The following PWWP2A variants were observed in gnomAD, a reference collection of about 807,000 sequenced individuals.
PWWP2A encodes PWWP domain-containing protein 2A.
In PWWP2A, 18 loss-of-function variants were observed where a neutral mutation model predicts 48.5. That is an observed-to-expected ratio of 0.37 (90% CI 0.26 to 0.55). The LOEUF (loss-of-function observed/expected upper bound fraction) is 0.55, where lower values mean the gene tolerates loss of function less well. Ranked by LOEUF, PWWP2A falls within the 20% of genes least tolerant of loss-of-function variation. The pLI is 0.81. For synonymous variants in PWWP2A, 396 were observed against 387.7 expected (o/e 1.02, Z -0.25); for missense variants, 867 against 976.4 (o/e 0.89, Z 1.49).
Position 160,078,177 on chromosome 5 carries a change from T to G in PWWP2A, c.1670-9A>C. On this transcript the variant is annotated splice_polypyrimidine_tract_variant and intron_variant, in intron 3 of 3. Transcript: ENST00000456329. The surrounding 1 kb of genome is among the most constrained non-coding windows in gnomAD (Gnocchi z 4.2). Reference sequence around the variant, plus strand: ...CTGCTAATGTCTTTGTGCTGAAATATAGTAAAGAAAAGGAAGAAAATGTCG... The same window carrying G: ...CTGCTAATGTCTTTGTGCTGAAATAGAGTAAAGAAAAGGAAGAAAATGTCG... 1 of 1,552,226 alleles carries G rather than the reference T, an allele frequency of 6.4e-7. No homozygotes were observed. Among genetic ancestry groups the G allele is most frequent in the African/African-American group, 1.4e-5 (1 of 73,368 alleles).
In PWWP2A at chr5:160,093,065, C is replaced by G; in HGVS notation, c.1585G>C (p.Gly529Arg). The G allele has an allele frequency of 6.2e-7, 1 of 1,612,872 alleles. No homozygotes were observed. The highest frequency in any genetic ancestry group is 8.5e-7 in the Non-Finnish European group (1 of 1,179,496). ...ACCTCACTGCTGGCCTCTTCAGGGC[C>G]TTTTGAGGGACTCTGATTTTCTGAA... is the stretch of plus-strand genomic sequence containing the variant. Reference protein sequence around the residue: ...APSENQSPSKGPEEASSEVQD... With the variant: ...APSENQSPSKRPEEASSEVQD... Residue 529 changes from glycine (G) to arginine (R), a missense_variant, in exon 2 of 2, where the codon GGC (glycine) becomes CGC (arginine). Gly to Arg is a moderately radical substitution (Grantham distance 125). This residue lies in a region of PWWP2A where 382 missense variants were observed against 407.2 expected (regional missense o/e 0.94). Coordinates refer to ENST00000307063, the MANE Select transcript of PWWP2A (RefSeq NM_001130864.2). The surrounding 1 kb of genome is among the most constrained non-coding windows in gnomAD (Gnocchi z 5.8).
chr5:160,117,611 G>A (rs1325171381), intron 1 of PWWP2A, among the ~76,000 whole-genome samples: 2 of 151,952 alleles, frequency 1.3e-5, no homozygotes, highest in Admixed American at 6.6e-5. Flanking sequence ...GAGACGATAT[G>A]GCGCCACTGC....
the PWWP2A span, chr5:160,051,118 C>G: frequency 6.5e-7 from 1 of 1,539,732 alleles, no homozygotes; most frequent in Non-Finnish European, 8.8e-7. Flanking sequence ...TGTTTCTCCT[C>G]TTTTCCTCAG....
In PWWP2A at chr5:160,079,464, T is replaced by G. The variant is rs143155232; in HGVS notation, c.1669+1187A>C. 3.1e-3 allele frequency among the ~76,000 whole-genome samples: 479 copies of G among 152,290 alleles called. 3 individuals carry two copies. The highest frequency in any genetic ancestry group is 0.011 in the African/African-American group (446 of 41,536). ...AAAAAAAAAAATGATTTACACTGTTTTAAAATTTGACATTGAGCTCAGTTT... is the reference window on the plus strand; with the variant it reads ...AAAAAAAAAAATGATTTACACTGTTGTAAAATTTGACATTGAGCTCAGTTT... On this transcript the variant is annotated intron_variant, in intron 3 of 3. Coordinates refer to the PWWP2A transcript ENST00000456329.
chr5:160,100,399 A>T (rs1407459888), intron 1 of PWWP2A, among the ~76,000 whole-genome samples: 2 of 152,134 alleles, frequency 1.3e-5, no homozygotes, highest in African/African-American at 4.8e-5. Context: ...TTGAGGTGGG[A>T]GGATTGCTTG....
chr5:160,072,371 A>G (rs1753757924), downstream of PWWP2A, among the ~76,000 whole-genome samples: 3 of 152,344 alleles, frequency 2.0e-5, no homozygotes, highest in South Asian at 4.1e-4. Context: ...GCTACCAGCC[A>G]GTTCAAGAGG....
intron 1 of PWWP2A, among the ~76,000 whole-genome samples, chr5:160,102,061 G>A (rs184789267): frequency 9.5e-5 from 14 of 147,644 alleles, no homozygotes; most frequent in African/African-American, 3.3e-4. Flanking sequence ...AGTGGGCCAA[G>A]ATCACACCAT....
intron 2 of PWWP2A, among the ~76,000 whole-genome samples, chr5:160,084,782 T>C (rs1275297746): frequency 6.6e-6 from 1 of 152,104 alleles, no homozygotes; most frequent in Non-Finnish European, 1.5e-5. Flanking sequence ...GCAAGTTATA[T>C]ATATATACTC....
chr5:160,101,241 T>G (rs113339559), intron 1 of PWWP2A, among the ~76,000 whole-genome samples: 1,946 of 152,168 alleles, frequency 0.013, 47 homozygotes, highest in African/African-American at 0.045. Flanking sequence ...TCCCAGCTAC[T>G]GGGGAAGCTG....
chr5:160,105,338 G>A (rs1227449650), intron 1 of PWWP2A, among the ~76,000 whole-genome samples: 3 of 150,396 alleles, frequency 2.0e-5, no homozygotes, highest in Non-Finnish European at 2.9e-5. Flanking sequence ...CACAAGGTCA[G>A]GAGATGGAGA....
rs753674983 is a variant in PWWP2A at position 160,118,933 on chromosome 5, C to G, written c.456G>C (p.Thr152=). 6.3e-7 allele frequency: 1 copy of G among 1,599,128 alleles called. No homozygotes were observed. Among genetic ancestry groups the G allele is most frequent in the Non-Finnish European group, 8.5e-7 (1 of 1,174,052 alleles). ...CCGAGCCCGGGATCAGTTGCGACACCGTGGAGTCCCCGCCCGCCGGCGGCA... is the reference window on the plus strand; with the variant it reads ...CCGAGCCCGGGATCAGTTGCGACACGGTGGAGTCCCCGCCCGCCGGCGGCA... The part of the protein sequence containing the change: ...ALVPPAGGDS[T]VSQLIPGSEV... The change falls in exon 1 of 2, where the codon ACG becomes ACC. Residue 152 remains threonine (T), a synonymous_variant. Coordinates refer to ENST00000307063, the MANE Select transcript of PWWP2A (RefSeq NM_001130864.2).
chr5:160,089,065 T>G (rs1033226478), downstream of PWWP2A, among the ~76,000 whole-genome samples: 3 of 152,334 alleles, frequency 2.0e-5, no homozygotes, highest in South Asian at 6.2e-4. Context: ...TCCTGCCTAT[T>G]CAACTTAGTA....
intron 2 of PWWP2A, chr5:160,080,884 A>G (rs1372021299): frequency 2.1e-6 from 2 of 939,518 alleles, no homozygotes; most frequent in Non-Finnish European, 3.1e-6. Flanking sequence ...AATTTTCATA[A>G]CAAATTTATT....
chr5:160,097,838 C>T (rs1002063095), intron 1 of PWWP2A, among the ~76,000 whole-genome samples: 3 of 151,402 alleles, frequency 2.0e-5, no homozygotes, highest in Non-Finnish European at 2.9e-5. Flanking sequence ...GCCTCAGCCA[C>T]CTGAGCAGCT....
intron 1 of PWWP2A, among the ~76,000 whole-genome samples, chr5:160,104,235 T>C (rs926875418): frequency 3.3e-5 from 5 of 151,652 alleles, no homozygotes; most frequent in South Asian, 2.1e-4. Flanking sequence ...GCCAGGAATT[T>C]TGAGATCAGC....
downstream of PWWP2A, among the ~76,000 whole-genome samples, chr5:160,086,397 T>G (rs1342322834): frequency 2.0e-5 from 3 of 151,986 alleles, no homozygotes; most frequent in Non-Finnish European, 4.4e-5. Flanking sequence ...GGTATGTGTC[T>G]GTGGCCCCAA....
intron 1 of PWWP2A, among the ~76,000 whole-genome samples, chr5:160,105,260 A>C (rs977951892): frequency 6.0e-5 from 9 of 150,476 alleles, no homozygotes; most frequent in Middle Eastern, 6.9e-3. Flanking sequence ...AAAAAAAAAA[A>C]AAAACAGGCT....
chr5:160,060,332 AT>A (rs1165798010), downstream of PWWP2A, among the ~76,000 whole-genome samples: 1 of 152,244 alleles, frequency 6.6e-6, no homozygotes, highest in Non-Finnish European at 1.5e-5. Flanking sequence ...TTATGGTGAT[AT>A]GCTACTTGGC....
chr5:160,092,661 T>C lies in PWWP2A; in HGVS notation c.1989A>G (p.Ile663Met). ...ICVGDIVWAK[I>M]YGFPWWPARI... Reference sequence around the variant, plus strand: ...GGGCTGGCCACCAAGGGAAGCCATATATCTTGGCCCAAACAATGTCCCCTA... The same window carrying C: ...GGGCTGGCCACCAAGGGAAGCCATACATCTTGGCCCAAACAATGTCCCCTA... Residue 663 changes from isoleucine (I) to methionine (M), a missense_variant, in exon 2 of 2, where the codon ATA (isoleucine) becomes ATG (methionine). This residue lies in a region of PWWP2A where 97 missense variants were observed against 151.7 expected (regional missense o/e 0.64). Transcript: ENST00000307063. 2.6e-6 allele frequency: 4 copies of C among 1,551,690 alleles called. No individual in the cohort carries two copies. The highest frequency in any genetic ancestry group is 3.5e-6 in the Non-Finnish European group (4 of 1,146,992).
Sources: gnomAD v4.1 joint callset for allele counts (sites outside exome capture counted in the v4.1 genomes callset) on GRCh38, gnomAD v4.1.1 for gene constraint, gnomAD v4.1.1 regional missense constraint, Gnocchi (gnomAD v3.1) non-coding constraint, MANE v1.5 for transcripts, NCBI Gene and HGNC (gene_info 2026-07-23, HGNC 2026-07-21) for gene names.